The following CA10 variants were observed in gnomAD, a reference collection of about 807,000 sequenced individuals.
CA10 encodes carbonic anhydrase-related protein 10.
A neutral mutation model predicts 44.2 loss-of-function variants in CA10; 14 were observed. That is an observed-to-expected ratio of 0.32 (90% CI 0.21 to 0.50). CA10 has a LOEUF of 0.50. Ranked by LOEUF, CA10 falls within the 20% of genes least tolerant of loss-of-function variation. The pLI is 0.99. For synonymous variants in CA10, 159 were observed against 141.6 expected (o/e 1.12, Z -0.87); for missense variants, 350 against 409.7 (o/e 0.85, Z 1.26).
chr17:52,061,768 A>G (rs562457194), intron 2 of CA10, among the ~76,000 whole-genome samples: 1 of 152,278 alleles, frequency 6.6e-6, no homozygotes, highest in African/African-American at 2.4e-5. Flanking sequence ...AGGCCTCCCC[A>G]GGCATGTGGA....
intron 1 of CA10, among the ~76,000 whole-genome samples, chr17:52,080,737 T>C (rs1339757406): frequency 6.6e-6 from 1 of 152,092 alleles, no homozygotes; most frequent in Non-Finnish European, 1.5e-5. Context: ...CCCCCCGAAA[T>C]TCCTTCTTTG....
intron 3 of CA10, among the ~76,000 whole-genome samples, chr17:51,827,780 T>C (rs922609584): frequency 6.6e-6 from 1 of 152,218 alleles, no homozygotes; most frequent in East Asian, 1.9e-4. Context: ...CCAAGCCTGG[T>C]TCTGTTTCCT....
At chr17:51,831,716 A>AGCGGCGGCGGCGGCG (rs1418205699) in intron 3 of CA10, among the ~76,000 whole-genome samples, 1 of 111,178 alleles carries the variant, frequency 9.0e-6, no homozygotes, top group African/African-American at 3.1e-5. Context: ...CAGCAGCAGC[A>AGCGGCGGCGGCGGCG]GCAGCAGCAG....
intron 3 of CA10, among the ~76,000 whole-genome samples, chr17:51,848,646 G>C (rs1408200263): frequency 6.6e-6 from 1 of 152,172 alleles, no homozygotes; most frequent in South Asian, 2.1e-4. Flanking sequence ...TATGAGCCTG[G>C]GACAACTGGA....
chr17:51,645,687 C>G (rs574293540), intron 6 of CA10, among the ~76,000 whole-genome samples: 1 of 152,282 alleles, frequency 6.6e-6, no homozygotes, highest in Admixed American at 6.5e-5. Flanking sequence ...GTTTTAAGAC[C>G]CTGGAGCTAA....
intron 1 of CA10, among the ~76,000 whole-genome samples, chr17:52,129,064 AGTGGCCCTC>A (rs1989177899): frequency 6.6e-6 from 1 of 152,158 alleles, no homozygotes; most frequent in South Asian, 2.1e-4. Context: ...TATTGAAAGA[AGTGGCCCTC>A]GTGTAAAGAA....
At chr17:52,070,206 G>T (rs1005234446) in intron 2 of CA10, among the ~76,000 whole-genome samples, 1 of 152,176 alleles carries the variant, frequency 6.6e-6, no homozygotes, top group African/African-American at 2.4e-5. Context: ...TTCAGAGGAT[G>T]AGGAAGTCAT....
chr17:51,949,168 G>A (rs1229564021), intron 2 of CA10, among the ~76,000 whole-genome samples: 1 of 152,086 alleles, frequency 6.6e-6, no homozygotes, highest in Non-Finnish European at 1.5e-5. Flanking sequence ...ATTTAGTTGG[G>A]ATTGCAATAA....
chr17:51,844,496 C>T (rs1327761928), intron 3 of CA10, among the ~76,000 whole-genome samples: 1 of 152,080 alleles, frequency 6.6e-6, no homozygotes, highest in African/African-American at 2.4e-5. Context: ...AAAATATTTT[C>T]ACTCATCTTT....
chr17:52,009,147 C>A (rs1426541934), intron 2 of CA10, among the ~76,000 whole-genome samples: 1 of 151,856 alleles, frequency 6.6e-6, no homozygotes, highest in East Asian at 1.9e-4. Context: ...TATTGTAAAG[C>A]TTTTCTTTAT....
chr17:51,805,750 C>T (rs540782091), intron 3 of CA10, among the ~76,000 whole-genome samples: 1 of 152,150 alleles, frequency 6.6e-6, no homozygotes, highest in African/African-American at 2.4e-5. Flanking sequence ...AGCTTCCTCC[C>T]ACCCATTTAC....
intron 4 of CA10, among the ~76,000 whole-genome samples, chr17:51,670,245 T>C (rs1454826980): frequency 2.6e-5 from 4 of 152,220 alleles, no homozygotes; most frequent in African/African-American, 9.6e-5. Flanking sequence ...AAGGAGAGTT[T>C]CCCATGTGCC....
intron 3 of CA10, among the ~76,000 whole-genome samples, chr17:51,902,479 C>T (rs1312611263): frequency 6.6e-6 from 1 of 152,124 alleles, no homozygotes; most frequent in African/African-American, 2.4e-5. Flanking sequence ...ATTATCAATG[C>T]CCATGTTACA....
At chr17:51,756,993 A>G (rs1397983048) in intron 3 of CA10, among the ~76,000 whole-genome samples, 1 of 152,190 alleles carries the variant, frequency 6.6e-6, no homozygotes, top group Non-Finnish European at 1.5e-5. Flanking sequence ...GGCTGAGCCC[A>G]AAATGTTGGG....
intron 1 of CA10, among the ~76,000 whole-genome samples, chr17:52,096,722 GCTTT>G (rs1371112889): frequency 3.3e-5 from 5 of 152,250 alleles, no homozygotes; most frequent in Non-Finnish European, 7.4e-5. Context: ...TACTCTGTAT[GCTTT>G]CTCTTTCTCT....
At chr17:52,025,478 T>G (rs1986271828) in intron 2 of CA10, among the ~76,000 whole-genome samples, 1 of 152,140 alleles carries the variant, frequency 6.6e-6, no homozygotes, top group Non-Finnish European at 1.5e-5. Context: ...CATTCCTCAT[T>G]GTGGCTCTTG....
chr17:51,730,208 T>G (rs1916667424), intron 4 of CA10, among the ~76,000 whole-genome samples: 1 of 152,244 alleles, frequency 6.6e-6, no homozygotes, highest in Non-Finnish European at 1.5e-5. Flanking sequence ...TTACTCATAA[T>G]TGAACCTAGA....
rs56145404 is a variant in CA10 at position 51,754,400 on chromosome 17, GATATATATATATATATATATAT to G, written c.280-6604_280-6583del. Among the ~76,000 whole-genome samples the G allele has an allele frequency of 8.7e-3, 634 of 73,102 alleles. 18 individuals carry two copies. The highest frequency in any genetic ancestry group is 0.032 in the East Asian group (83 of 2,620). The allele number at this position is 73,102 out of a possible 152,430, so 48.0% of individuals were successfully genotyped here. On this transcript the variant is annotated intron_variant, in intron 3 of 8. Transcript: ENST00000451037. ...CACATACATACTACTGTGTGTGTGT[GATATATATATATATATATATAT>G]ATATATATATATATATATATATATA... is the stretch of plus-strand genomic sequence containing the variant.
intron 3 of CA10, among the ~76,000 whole-genome samples, chr17:51,782,687 A>G (rs73987197): frequency 0.025 from 3,855 of 152,248 alleles, 161 homozygotes; most frequent in African/African-American, 0.087. Flanking sequence ...AGTGTGTATG[A>G]TCTTGGCAGG....
Sources: allele counts gnomAD v4.1 joint callset (sites outside exome capture counted in the v4.1 genomes callset), GRCh38; gene constraint gnomAD v4.1.1; transcripts MANE v1.5; gene names NCBI Gene and HGNC (gene_info 2026-07-23, HGNC 2026-07-21).